The following ADAMTS2 variants were observed in gnomAD, a reference collection of about 807,000 sequenced individuals.
The protein encoded by ADAMTS2 is A disintegrin and metalloproteinase with thrombospondin motifs 2.
In ADAMTS2, 50 loss-of-function variants were observed where a neutral mutation model predicts 123.0. That is an observed-to-expected ratio of 0.41 (90% CI 0.32 to 0.51). The LOEUF (loss-of-function observed/expected upper bound fraction) is 0.51, where lower values mean the gene tolerates loss of function less well. ADAMTS2 is among the 20% of genes least tolerant of loss of function. ADAMTS2 has a pLI of 0.35. For synonymous variants in ADAMTS2, 678 were observed against 695.4 expected, an observed-to-expected ratio of 0.98 and a Z score of 0.39; for missense variants, 1,494 against 1,705.2, an observed-to-expected ratio of 0.88 and a Z score of 2.18.
At chr5:179,309,684 G>C (rs1176201651) in intron 2 of ADAMTS2, among the ~76,000 whole-genome samples, 1 of 150,876 alleles carries the variant, frequency 6.6e-6, no homozygotes, top group Non-Finnish European at 1.5e-5. Context: ...CTTGAACCTG[G>C]GAGGCGGAGT....
At chr5:179,293,611 TTTTG>T (rs3084668) in intron 2 of ADAMTS2, among the ~76,000 whole-genome samples, 5 of 151,060 alleles carry the variant, frequency 3.3e-5, no homozygotes, top group Admixed American at 6.6e-5. Context: ...CAGGGTAGGG[TTTTG>T]TTTGTTTGTT....
intron 19 of ADAMTS2, among the ~76,000 whole-genome samples, chr5:179,123,592 A>AT (rs563532407): frequency 8.4e-4 from 128 of 151,948 alleles, no homozygotes; most frequent in Non-Finnish European, 1.5e-3. Context: ...CATCTGGCTA[A>AT]TTTTTTTTAA....
In ADAMTS2 at chr5:179,329,836, C is replaced by T. The variant is rs116260395; in HGVS notation, c.534+13931G>A. Among the ~76,000 whole-genome samples the T allele has an allele frequency of 9.6e-3, 1,464 of 152,294 alleles. 23 individuals are homozygous for T. Among genetic ancestry groups the T allele is most frequent in the African/African-American group, 0.033 (1,376 of 41,568 alleles). ...CCGTAACCACCAGCCATTAAAGAAA[C>T]AAGTTTCAGGCCGGGCGTGGTGGCT... is the stretch of plus-strand genomic sequence containing the variant. On this transcript the variant is annotated intron_variant, in intron 2 of 21. Transcript: ENST00000251582.
chr5:179,166,162 C>G (rs956184224), intron 5 of ADAMTS2, among the ~76,000 whole-genome samples: 1 of 152,176 alleles, frequency 6.6e-6, no homozygotes, highest in Admixed American at 6.5e-5. Flanking sequence ...CATGGAGACC[C>G]TCCTTGCTAT....
At chr5:179,328,462 G>T (rs1757371713) in intron 2 of ADAMTS2, among the ~76,000 whole-genome samples, 2 of 152,252 alleles carry the variant, frequency 1.3e-5, no homozygotes, top group Admixed American at 1.3e-4. Flanking sequence ...CTGAAGCAGG[G>T]GCTGTTGCCA....
chr5:179,133,292 G>C (rs959314957), intron 13 of ADAMTS2, among the ~76,000 whole-genome samples: 1 of 152,062 alleles, frequency 6.6e-6, no homozygotes, highest in African/African-American at 2.4e-5. Flanking sequence ...TTTTGAGACG[G>C]AATCTTGCTC....
At chr5:179,159,637 C>T (rs536861542) in intron 5 of ADAMTS2, among the ~76,000 whole-genome samples, 73 of 152,240 alleles carry the variant, frequency 4.8e-4, no homozygotes, top group African/African-American at 1.7e-3. Context: ...GCCTCGGGAC[C>T]GCTCGTCTTG....
intron 2 of ADAMTS2, among the ~76,000 whole-genome samples, chr5:179,293,781 ATT>A (rs1159004774): frequency 7.0e-6 from 1 of 143,182 alleles, no homozygotes; most frequent in African/African-American, 2.6e-5. Context: ...ACCCAGCTAA[ATT>A]TTTTTTTTTT....
intron 3 of ADAMTS2, among the ~76,000 whole-genome samples, chr5:179,244,920 C>T (rs1364988469): frequency 6.6e-6 from 1 of 152,138 alleles, no homozygotes; most frequent in East Asian, 1.9e-4. Context: ...GCAATAATTA[C>T]AACAATTGTT....
At chr5:179,205,808 G>C (rs367605158) in intron 4 of ADAMTS2, among the ~76,000 whole-genome samples, 5 of 147,678 alleles carry the variant, frequency 3.4e-5, no homozygotes, top group African/African-American at 1.3e-4. Context: ...GTCTCGCTCT[G>C]TCACTGAGGC....
chr5:179,154,233 CG>C (rs1316691872), intron 7 of ADAMTS2, 41 bp from the exon 8 acceptor site: 1 of 1,537,000 alleles, frequency 6.5e-7, no homozygotes, highest in Non-Finnish European at 8.7e-7. Context: ...CACTGGCACA[CG>C]GGTCTGCCAG....
At position 179,314,262 on chromosome 5, in the gene ADAMTS2, A is replaced by T. The variant is rs1756915358; in HGVS notation, c.534+29505T>A. Among the ~76,000 whole-genome samples the T allele has an allele frequency of 6.6e-6, 1 of 152,080 alleles. No homozygotes were observed. The highest frequency in any genetic ancestry group is 2.1e-4 in the South Asian group (1 of 4,820). ...GGTCGGCCCTGTCCTTGTCTTGCTCAGCTCGGGGGAAGCACCTCTCGCCAG... is the reference window on the plus strand; with the variant it reads ...GGTCGGCCCTGTCCTTGTCTTGCTCTGCTCGGGGGAAGCACCTCTCGCCAG... On this transcript the variant is annotated intron_variant, in intron 2 of 21. Coordinates refer to ENST00000251582, the MANE Select transcript of ADAMTS2 (RefSeq NM_014244.5). The surrounding 1 kb of genome is among the most constrained non-coding windows in gnomAD (Gnocchi z 4.5).
chr5:179,229,017 C>A (rs556401084), intron 3 of ADAMTS2, among the ~76,000 whole-genome samples: 63 of 152,098 alleles, frequency 4.1e-4, no homozygotes, highest in African/African-American at 1.4e-3. Context: ...AAAGCTACCT[C>A]CAGCTGTGCA....
Position 179,117,553 on chromosome 5 carries a change from A to ATTTT in ADAMTS2, c.3179-3233_3179-3230dup. ...TATTGGATCAGGCCCATGCCCATGC[A>ATTTT]TTTTTTTTTTTTTTTTTGAGATGAA... On this transcript the variant is annotated intron_variant, in intron 21 of 21. Transcript: ENST00000251582. This position sits in a 1 kb window ranked among gnomAD's most constrained non-coding sequence, Gnocchi z 4.2. Among the ~76,000 whole-genome samples the ATTTT allele has an allele frequency of 7.4e-6, 1 of 134,882 alleles. No individual in the cohort carries two copies. The highest frequency in any genetic ancestry group is 2.2e-4 in the East Asian group (1 of 4,576). 88.5% of individuals were successfully genotyped at this position (134,882 alleles called of 152,430 possible).
At chr5:179,297,458 G>C (rs563973249) in intron 2 of ADAMTS2, among the ~76,000 whole-genome samples, 35 of 152,040 alleles carry the variant, frequency 2.3e-4, no homozygotes, top group African/African-American at 8.4e-4. Flanking sequence ...GTTGGTATGG[G>C]GACCCCCTTC....
intron 2 of ADAMTS2, among the ~76,000 whole-genome samples, chr5:179,321,134 G>A (rs779103278): frequency 2.0e-5 from 3 of 151,974 alleles, no homozygotes; most frequent in Non-Finnish European, 4.4e-5. Context: ...AATAACACCT[G>A]ACTAATACAC....
intron 13 of ADAMTS2, among the ~76,000 whole-genome samples, chr5:179,133,743 A>G (rs554176256): frequency 2.0e-5 from 3 of 149,952 alleles, no homozygotes; most frequent in Non-Finnish European, 4.4e-5. Context: ...TTTTTTTGAG[A>G]CAGTCTCGCT....
At chr5:179,206,523 C>T (rs1764699975) in intron 4 of ADAMTS2, among the ~76,000 whole-genome samples, 1 of 152,146 alleles carries the variant, frequency 6.6e-6, no homozygotes, top group Admixed American at 6.5e-5. Context: ...ACACCACCTC[C>T]AGCCCTCCCT....
rs745895983 is a variant in ADAMTS2, at chr5:179,285,621, C to T, written c.535-12557G>A. 1.1e-4 allele frequency among the ~76,000 whole-genome samples: 16 copies of T among 152,206 alleles called. No individual in the cohort carries two copies. Among genetic ancestry groups the T allele is most frequent in the Non-Finnish European group, 1.8e-4 (12 of 68,038 alleles). The stretch of plus-strand genomic sequence containing the variant: ...CTGCAACAGGCCTGCCTATTTGTGA[C>T]GAGAACTGACACTCGTCCCGGCCAG... On this transcript the variant is annotated intron_variant, in intron 2 of 21. Transcript: ENST00000251582. This position sits in a 1 kb window ranked among gnomAD's most constrained non-coding sequence, Gnocchi z 4.9.
Sources: gnomAD v4.1 joint callset for allele counts (sites outside exome capture counted in the v4.1 genomes callset) on GRCh38, gnomAD v4.1.1 for gene constraint, Gnocchi (gnomAD v3.1) non-coding constraint, MANE v1.5 for transcripts, NCBI Gene and HGNC (gene_info 2026-07-23, HGNC 2026-07-21) for gene names.